TNFAIP8: variants seen among roughly 807,000 people sequenced by gnomAD.
The protein encoded by TNFAIP8 is tumor necrosis factor alpha-induced protein 8.
TNFAIP8 carries 7 observed loss-of-function variants against 13.3 expected under a neutral mutation model. That is an observed-to-expected ratio of 0.52 (90% CI 0.30 to 0.99). The LOEUF (loss-of-function observed/expected upper bound fraction) is 0.99, where lower values mean the gene tolerates loss of function less well. Ranked by LOEUF, TNFAIP8 falls within the 50% of genes least tolerant of loss-of-function variation. The pLI is 0.07. For missense variants in TNFAIP8, 258 were observed against 236.9 expected, an observed-to-expected ratio of 1.09 and a Z score of -0.58; for synonymous variants, 94 against 87.6, an observed-to-expected ratio of 1.07 and a Z score of -0.41.
intron 1 of TNFAIP8, among the ~76,000 whole-genome samples, chr5:119,280,566 C>G (rs73791001): frequency 0.055 from 8,410 of 152,094 alleles, 812 homozygotes; most frequent in African/African-American, 0.19. Flanking sequence ...AGGTCTCATC[C>G]CTTTGGCAAG....
In TNFAIP8 at chr5:119,394,482, A is replaced by T. The variant is rs904706013; in HGVS notation, c.*1101A>T. On this transcript the variant is annotated 3_prime_UTR_variant, in exon 2 of 2. Coordinates refer to ENST00000504771, the MANE Select transcript of TNFAIP8 (RefSeq NM_014350.4). ...GGTGTTTCTATATAATTTTCTGTGT[A>T]TAAATAATAAAGTAGGCATTTGTTT... 10 of 152,184 alleles carry T rather than the reference A, an allele frequency of 6.6e-5. No homozygotes were observed. Among genetic ancestry groups the T allele is most frequent in the Non-Finnish European group, 1.5e-4 (10 of 68,036 alleles). 9.4% of individuals were successfully genotyped at this position (152,184 alleles called of 1,614,324 possible). A position where few individuals can be genotyped will look rare whatever the true frequency, so the allele number is the denominator to read the frequency against.
At chr5:119,322,399 T>C (rs1299291055) in intron 1 of TNFAIP8, among the ~76,000 whole-genome samples, 1 of 152,118 alleles carries the variant, frequency 6.6e-6, no homozygotes, top group African/African-American at 2.4e-5. Context: ...CCATGCTGGC[T>C]ATGGCCAGGA....
chr5:119,380,415 C>T (rs1415898140), intron 1 of TNFAIP8, among the ~76,000 whole-genome samples: 2 of 152,168 alleles, frequency 1.3e-5, no homozygotes, highest in African/African-American at 4.8e-5. Context: ...TATAAATATT[C>T]ATCAAGAGTC....
In TNFAIP8 at chr5:119,395,345, T is replaced by C. The variant is rs1753048431; in HGVS notation, c.*1964T>C. 1 of 152,282 alleles carries C rather than the reference T, an allele frequency of 6.6e-6. No homozygotes were observed. Among genetic ancestry groups the C allele is most frequent in the Admixed American group, 6.5e-5 (1 of 15,278 alleles). 9.4% of individuals were successfully genotyped at this position (152,282 alleles called of 1,614,324 possible). ...GTGATGGGGGGTGTGAGCTACTGAC[T>C]GGATGTGTTCTGTTCTCCAGATCTC... On this transcript the variant is annotated 3_prime_UTR_variant, in exon 2 of 2. Coordinates refer to ENST00000504771, the MANE Select transcript of TNFAIP8 (RefSeq NM_014350.4).
At chr5:119,349,388 CA>C (rs2112750936) in intron 1 of TNFAIP8, among the ~76,000 whole-genome samples, 1 of 152,348 alleles carries the variant, frequency 6.6e-6, no homozygotes, top group Admixed American at 6.5e-5. Context: ...TAAGTGACTT[CA>C]TTCTTATTGT....
At chr5:119,298,095 A>T (rs1253734822) in intron 1 of TNFAIP8, among the ~76,000 whole-genome samples, 1 of 152,228 alleles carries the variant, frequency 6.6e-6, no homozygotes, top group East Asian at 1.9e-4. Context: ...TGGAGCATTT[A>T]GTCCATTTAC....
chr5:119,349,411 A>G (rs1030807896), intron 1 of TNFAIP8, among the ~76,000 whole-genome samples: 2 of 152,232 alleles, frequency 1.3e-5, no homozygotes, highest in East Asian at 3.8e-4. Flanking sequence ...CAGATGTGCA[A>G]ACAAAAGCAC....
Position 119,310,225 on chromosome 5 carries a change from G to T in TNFAIP8, c.1+41318G>T, listed in dbSNP as rs6879919. On this transcript the variant is annotated intron_variant, in intron 1 of 1. Coordinates refer to the TNFAIP8 transcript ENST00000274456. Reference sequence around the variant, plus strand: ...AACAGATGTCACTCTTTCGCTCCCTGGACTCCCTCCACAAGATGAGGTACT... The same window carrying T: ...AACAGATGTCACTCTTTCGCTCCCTTGACTCCCTCCACAAGATGAGGTACT... Among the ~76,000 whole-genome samples, 6 of 152,264 alleles carry T rather than the reference G, an allele frequency of 3.9e-5. No homozygotes were observed. In the South Asian group the frequency reaches 6.2e-4, roughly 16 times the overall value.
chr5:119,335,975 G>T (rs1328107774), intron 1 of TNFAIP8, among the ~76,000 whole-genome samples: 1 of 152,046 alleles, frequency 6.6e-6, no homozygotes, highest in Admixed American at 6.6e-5. Flanking sequence ...AGAAGTGTGA[G>T]GAAGCCAGAT....
chr5:119,311,815 C>T (rs987801211), intron 1 of TNFAIP8, among the ~76,000 whole-genome samples: 10 of 151,892 alleles, frequency 6.6e-5, no homozygotes, highest in African/African-American at 4.8e-5. Flanking sequence ...GGTGTTCACC[C>T]GTGAAGGAGG....
rs189421087 is a variant in TNFAIP8, at chr5:119,288,189, A to C, written c.1+19282A>C. Among the ~76,000 whole-genome samples the C allele has an allele frequency of 2.2e-3, 328 of 152,354 alleles. 2 individuals carry two copies. Among genetic ancestry groups the C allele is most frequent in the South Asian group, 5.6e-3 (27 of 4,826 alleles). ...TGTGGTTATATATAGCTGTGACCAT[A>C]GAATATACACAGTTTAATGTTCTGT... On this transcript the variant is annotated intron_variant, in intron 1 of 1. Transcript: ENST00000274456.
rs574898419 is a variant in TNFAIP8, at chr5:119,299,958, C to T, written c.1+31051C>T. 4.0e-4 allele frequency among the ~76,000 whole-genome samples: 61 copies of T among 152,308 alleles called. 1 individual carries two copies. The highest frequency in any genetic ancestry group is 3.5e-3 in the South Asian group (17 of 4,828). Reference sequence around the variant, plus strand: ...TTGGTGCACCGTTTTTTAGGCCCGTCGGAAAAGCGCAGTATTAGCGTGGGA... The same window carrying T: ...TTGGTGCACCGTTTTTTAGGCCCGTTGGAAAAGCGCAGTATTAGCGTGGGA... On this transcript the variant is annotated intron_variant, in intron 1 of 1. Transcript: ENST00000274456.
chr5:119,361,672 G>C (rs1419623607), intron 1 of TNFAIP8, among the ~76,000 whole-genome samples: 1 of 152,248 alleles, frequency 6.6e-6, no homozygotes, highest in Non-Finnish European at 1.5e-5. Context: ...CTGTCAAGAA[G>C]TGAATAAGCA....
intron 1 of TNFAIP8, among the ~76,000 whole-genome samples, chr5:119,391,683 C>T (rs913271804): frequency 4.0e-5 from 6 of 149,670 alleles, no homozygotes; most frequent in African/African-American, 1.2e-4. Context: ...CACTTGAACC[C>T]GGGAGGTGGA....
intron 1 of TNFAIP8, among the ~76,000 whole-genome samples, chr5:119,366,553 T>C (rs995060332): frequency 6.6e-6 from 1 of 152,070 alleles, no homozygotes; most frequent in African/African-American, 2.4e-5. Flanking sequence ...AAATGGCAAA[T>C]GATGAAGTAG....
intron 1 of TNFAIP8, among the ~76,000 whole-genome samples, chr5:119,321,897 C>T (rs1284076693): frequency 6.6e-6 from 1 of 152,180 alleles, no homozygotes; most frequent in African/African-American, 2.4e-5. Context: ...CTTCATGTGG[C>T]CTCTGCCCAA....
At chr5:119,362,536 C>T (rs1247769806) in intron 1 of TNFAIP8, among the ~76,000 whole-genome samples, 1 of 152,114 alleles carries the variant, frequency 6.6e-6, no homozygotes, top group African/African-American at 2.4e-5. Flanking sequence ...TGGCTCACAC[C>T]TGTAATTACA....
At chr5:119,392,757 G>A (rs982861738) in intron 1 of TNFAIP8, 59 bp from the exon 2 acceptor site, 8 of 1,461,788 alleles carry the variant, frequency 5.5e-6, no homozygotes, top group African/African-American at 2.9e-5. Context: ...TTTTTAGTTC[G>A]CTTCACTTGC....
intron 1 of TNFAIP8, among the ~76,000 whole-genome samples, chr5:119,334,315 A>C (rs1364614181): frequency 6.6e-6 from 1 of 152,166 alleles, no homozygotes; most frequent in East Asian, 1.9e-4. Flanking sequence ...TAGCCCTTAA[A>C]GTTATATTGG....
Sources: gnomAD v4.1 joint callset for allele counts (sites outside exome capture counted in the v4.1 genomes callset) on GRCh38, gnomAD v4.1.1 for gene constraint, MANE v1.5 for transcripts, NCBI Gene and HGNC (gene_info 2026-07-23, HGNC 2026-07-21) for gene names.